The following NCAM1 variants were observed in gnomAD, a reference collection of about 807,000 sequenced individuals.
NCAM1 encodes antigen recognized by monoclonal antibody 5.1H11.
Under a neutral mutation model 109.8 loss-of-function variants are expected in NCAM1, and 14 were observed. The observed-to-expected ratio is 0.13, with a 90% CI of 0.08 to 0.20. NCAM1 has a LOEUF of 0.20. NCAM1 is among the 10% of genes least tolerant of loss of function. The pLI, the probability that NCAM1 is intolerant of heterozygous loss-of-function variation, is 1.00. For synonymous variants in NCAM1, 418 were observed against 442.9 expected, an observed-to-expected ratio of 0.94 and a Z score of 0.70; for missense variants, 774 against 1,109.9, an observed-to-expected ratio of 0.70 and a Z score of 4.30.
chr11:113,016,797 AC>A (rs1270936600), intron 1 of NCAM1, among the ~76,000 whole-genome samples: 18 of 152,160 alleles, frequency 1.2e-4, no homozygotes, highest in Admixed American at 1.2e-3. Context: ...GGGCAGGTGA[AC>A]CCTCAAATTT....
At chr11:113,108,806 C>G (rs1391870314) in intron 1 of NCAM1, among the ~76,000 whole-genome samples, 4 of 146,270 alleles carry the variant, frequency 2.7e-5, no homozygotes, top group African/African-American at 7.6e-5. Flanking sequence ...GACAGAGTCT[C>G]ACCCTGTCGC....
intron 1 of NCAM1, among the ~76,000 whole-genome samples, chr11:112,997,987 A>C (rs1951642434): frequency 6.6e-6 from 1 of 152,110 alleles, no homozygotes; most frequent in African/African-American, 2.4e-5. Context: ...CTTAGCCTGC[A>C]TGTCCGAGGG....
intron 1 of NCAM1, among the ~76,000 whole-genome samples, chr11:113,007,446 T>C (rs189643273): frequency 1.2e-3 from 180 of 152,238 alleles, no homozygotes; most frequent in African/African-American, 4.1e-3. Flanking sequence ...ACAATGCAAA[T>C]AAAACCACAG....
At chr11:113,216,545 C>G (rs937737502) in intron 8 of NCAM1, among the ~76,000 whole-genome samples, 3 of 152,214 alleles carry the variant, frequency 2.0e-5, no homozygotes, top group Non-Finnish European at 4.4e-5. Context: ...GAGACTGTCT[C>G]AAGCCTAGTA....
chr11:113,213,906 T>C (rs975476818), intron 7 of NCAM1, among the ~76,000 whole-genome samples: 22 of 152,226 alleles, frequency 1.4e-4, no homozygotes, highest in Non-Finnish European at 3.2e-4. Flanking sequence ...ATTCCAGCCA[T>C]CCAGCCTCAC....
At chr11:113,153,718 T>A (rs1942316670) in intron 1 of NCAM1, among the ~76,000 whole-genome samples, 1 of 152,132 alleles carries the variant, frequency 6.6e-6, no homozygotes, top group Non-Finnish European at 1.5e-5. Context: ...GGGAGTGTGT[T>A]TTGTGTGTAC....
chr11:113,273,393 G>T lies in NCAM1; in HGVS notation c.2456+1517G>T, dbSNP rs1946332174. 1 of 329,510 alleles carries T rather than the reference G, an allele frequency of 3.0e-6. No individual in the cohort carries two copies. The allele number at this position is 329,510 out of a possible 1,614,324, so 20.4% of individuals were successfully genotyped here. On this transcript the variant is annotated intron_variant, in intron 19 of 19. Coordinates refer to ENST00000316851, the MANE Select transcript of NCAM1 (RefSeq NM_181351.5). This position sits in a 1 kb window ranked among gnomAD's most constrained non-coding sequence, Gnocchi z 6.0. ...CCCGACTGGGGCAGCCAGTCCTCTA[G>T]CAGCAGCGGCTGCCCCTGCCACAGA... is the stretch of plus-strand genomic sequence containing the variant.
chr11:113,205,441 G>T, intron 3 of NCAM1, 82 bp from the exon 4 acceptor site: 1 of 1,518,096 alleles, frequency 6.6e-7, no homozygotes, highest in Non-Finnish European at 8.9e-7. Flanking sequence ...CAGGACTCAA[G>T]TCCAGGTACC....
chr11:113,208,279 T>G (rs559612018), intron 7 of NCAM1, among the ~76,000 whole-genome samples: 5 of 152,284 alleles, frequency 3.3e-5, no homozygotes, highest in Admixed American at 2.0e-4. Flanking sequence ...GTACCACTCA[T>G]CTGTTTGAAA....
intron 1 of NCAM1, among the ~76,000 whole-genome samples, chr11:113,115,705 C>G (rs1940668296): frequency 6.6e-6 from 1 of 152,202 alleles, no homozygotes; most frequent in Non-Finnish European, 1.5e-5. Flanking sequence ...CCTTCTTCCA[C>G]TCTGTGGATG....
At chr11:112,978,791 G>A (rs1477846922) in intron 1 of NCAM1, among the ~76,000 whole-genome samples, 1 of 151,768 alleles carries the variant, frequency 6.6e-6, no homozygotes, top group Non-Finnish European at 1.5e-5. Context: ...GGGAAAATAC[G>A]CCATTGTCTG....
chr11:113,255,360 A>G (rs1283101454), intron 15 of NCAM1, among the ~76,000 whole-genome samples: 1 of 152,130 alleles, frequency 6.6e-6, no homozygotes, highest in Non-Finnish European at 1.5e-5. Context: ...AGTCCCAAGA[A>G]TGCAGCATTA....
At chr11:113,087,916 A>G (rs1008633235) in intron 1 of NCAM1, among the ~76,000 whole-genome samples, 1 of 152,134 alleles carries the variant, frequency 6.6e-6, no homozygotes, top group Non-Finnish European at 1.5e-5. Flanking sequence ...ATTCTGCATG[A>G]CTGTAGCTGG....
intron 1 of NCAM1, among the ~76,000 whole-genome samples, chr11:113,003,667 A>T (rs1224439624): frequency 1.3e-5 from 2 of 152,228 alleles, no homozygotes; most frequent in Non-Finnish European, 2.9e-5. Flanking sequence ...CATAAAAGTC[A>T]CTTACTTGTG....
rs7121663 is a variant in NCAM1, at chr11:113,020,445, G to A, written c.52+58781G>A. Among the ~76,000 whole-genome samples the A allele has an allele frequency of 3.5e-3, 530 of 152,196 alleles. 1 individual carries two copies. The highest frequency in any genetic ancestry group is 0.012 in the African/African-American group (499 of 41,520). On this transcript the variant is annotated intron_variant, in intron 1 of 19. Transcript: ENST00000316851. ...CGCTTCCCCACCCACTCTCTTAACC[G>A]TAGGTCTTGGATATTCACAGACAAC...
chr11:113,001,538 G>C (rs1951755365), intron 1 of NCAM1, among the ~76,000 whole-genome samples: 1 of 152,174 alleles, frequency 6.6e-6, no homozygotes, highest in Admixed American at 6.5e-5. Context: ...AGGTTATCTA[G>C]TAAATAGCAC....
At chr11:113,174,914 C>A (rs1555106776) in intron 1 of NCAM1, among the ~76,000 whole-genome samples, 1 of 152,160 alleles carries the variant, frequency 6.6e-6, no homozygotes, top group East Asian at 1.9e-4. Flanking sequence ...ACAACTGTAT[C>A]TCCATCCTCA....
chr11:113,082,593 G>A (rs986495050), intron 1 of NCAM1, among the ~76,000 whole-genome samples: 1 of 152,168 alleles, frequency 6.6e-6, no homozygotes, highest in South Asian at 2.1e-4. Context: ...TCTTTCAAAG[G>A]AGTAGTTTTA....
chr11:113,126,053 A>C (rs1941160321), intron 1 of NCAM1, among the ~76,000 whole-genome samples: 1 of 151,516 alleles, frequency 6.6e-6, no homozygotes, highest in African/African-American at 2.4e-5. Context: ...GCTGCTTGAG[A>C]GGCTGAGGTG....
Sources: gnomAD v4.1 joint callset for allele counts (sites outside exome capture counted in the v4.1 genomes callset) on GRCh38, gnomAD v4.1.1 for gene constraint, Gnocchi (gnomAD v3.1) non-coding constraint, MANE v1.5 for transcripts, NCBI Gene and HGNC (gene_info 2026-07-23, HGNC 2026-07-21) for gene names.